SRBD1: variants seen among roughly 807,000 people sequenced by gnomAD.
SRBD1 encodes S1 RNA-binding domain-containing protein 1.
A neutral mutation model predicts 115.3 loss-of-function variants in SRBD1; 88 were observed. The ratio of observed to expected loss-of-function variants is 0.76; its 90% CI spans 0.64 to 0.91. The LOEUF is 0.91. Ranked by LOEUF, SRBD1 falls within the 40% of genes least tolerant of loss-of-function variation. The pLI, the probability that SRBD1 is intolerant of heterozygous loss-of-function variation, is 0.00. For missense variants in SRBD1, 1,385 were observed against 1,177.4 expected (o/e 1.18, Z -2.58); for synonymous variants, 509 against 407.7 (o/e 1.25, Z -2.99).
intron 16 of SRBD1, among the ~76,000 whole-genome samples, chr2:45,451,987 T>C (rs1360318546): frequency 1.3e-5 from 2 of 151,962 alleles, no homozygotes; most frequent in Non-Finnish European, 2.9e-5. Context: ...AGTTAACCAA[T>C]TTTTATTTGC....
rs1481675863 is a variant in SRBD1 at position 45,549,747 on chromosome 2, C to T, written c.1675+1378G>A. Reference sequence around the variant, plus strand: ...GCATGGTGGTGCGTGCCTATGGTCCCAGCTACTCGGGAGGCTGAGGTGGGA... The same window carrying T: ...GCATGGTGGTGCGTGCCTATGGTCCTAGCTACTCGGGAGGCTGAGGTGGGA... On this transcript the variant is annotated intron_variant, in intron 12 of 20. Coordinates refer to ENST00000263736, the MANE Select transcript of SRBD1 (RefSeq NM_018079.5). Among the ~76,000 whole-genome samples the T allele has an allele frequency of 4.7e-5, 7 of 149,088 alleles. No homozygotes were observed. In the East Asian group the frequency reaches 1.4e-3, roughly 29 times the overall value.
chr2:45,594,675 G>A (rs1477194303), intron 4 of SRBD1, among the ~76,000 whole-genome samples: 4 of 152,154 alleles, frequency 2.6e-5, no homozygotes, highest in African/African-American at 9.7e-5. Context: ...AACATTATAG[G>A]AAGCCATTGT....
chr2:45,436,538 G>C (rs989086183), intron 16 of SRBD1, among the ~76,000 whole-genome samples: 1 of 152,196 alleles, frequency 6.6e-6, no homozygotes, highest in East Asian at 1.9e-4. Context: ...GTTCCACATG[G>C]CTGGGGAGGC....
intron 14 of SRBD1, among the ~76,000 whole-genome samples, chr2:45,518,297 C>G (rs1285234737): frequency 6.6e-6 from 1 of 152,162 alleles, no homozygotes. Flanking sequence ...CTCTGCTGTG[C>G]GATACTGCCC....
At chr2:45,454,154 T>C (rs1234273801) in intron 16 of SRBD1, among the ~76,000 whole-genome samples, 1 of 151,894 alleles carries the variant, frequency 6.6e-6, no homozygotes, top group Non-Finnish European at 1.5e-5. Context: ...GATATTACAA[T>C]GTGGTATTCC....
intron 14 of SRBD1, among the ~76,000 whole-genome samples, chr2:45,528,922 T>C (rs1671531679): frequency 6.6e-6 from 1 of 151,896 alleles, no homozygotes. Flanking sequence ...AAACATAAAA[T>C]GGTCAGTGGA....
At chr2:45,492,931 A>C (rs1392203159) in intron 14 of SRBD1, among the ~76,000 whole-genome samples, 1 of 152,262 alleles carries the variant, frequency 6.6e-6, no homozygotes, top group Non-Finnish European at 1.5e-5. Context: ...TAATTTGCTT[A>C]AATAAAAATG....
intron 16 of SRBD1, among the ~76,000 whole-genome samples, chr2:45,445,180 T>C (rs1172258168): frequency 1.3e-5 from 2 of 152,182 alleles, no homozygotes; most frequent in African/African-American, 4.8e-5. Context: ...GAATGTGCCT[T>C]GGCTTCTGTG....
At chr2:45,488,079 C>T (rs1487033857) in intron 15 of SRBD1, among the ~76,000 whole-genome samples, 161 bp downstream of exon 15, 1 of 152,168 alleles carries the variant, frequency 6.6e-6, no homozygotes, top group Non-Finnish European at 1.5e-5. Flanking sequence ...TCCATAATTT[C>T]AATTATTAGT....
chr2:45,580,493 G>GCA (rs1156301702), intron 6 of SRBD1, among the ~76,000 whole-genome samples: 2 of 145,850 alleles, frequency 1.4e-5, no homozygotes, highest in Admixed American at 1.4e-4. Flanking sequence ...CTACAGGAGC[G>GCA]CACCACTACG....
intron 16 of SRBD1, among the ~76,000 whole-genome samples, chr2:45,438,784 G>A (rs13010000): frequency 6.6e-6 from 1 of 151,962 alleles, no homozygotes; most frequent in Non-Finnish European, 1.5e-5. Flanking sequence ...AGTCCTGAGA[G>A]GGAAAGAGAG....
intron 10 of SRBD1, among the ~76,000 whole-genome samples, chr2:45,556,881 G>A (rs964038594): frequency 3.9e-5 from 6 of 152,208 alleles, no homozygotes; most frequent in Non-Finnish European, 7.4e-5. Flanking sequence ...ATAAGCAAGG[G>A]ACTTATAATG....
chr2:45,536,950 T>G (rs984759171), intron 14 of SRBD1, among the ~76,000 whole-genome samples: 5 of 152,186 alleles, frequency 3.3e-5, no homozygotes, highest in Non-Finnish European at 7.4e-5. Context: ...CACAACCCAG[T>G]ACACATATAT....
chr2:45,406,646 G>C (rs1667446213), intron 19 of SRBD1, among the ~76,000 whole-genome samples: 1 of 152,030 alleles, frequency 6.6e-6, no homozygotes, highest in Non-Finnish European at 1.5e-5. Flanking sequence ...TGATGGAAGG[G>C]AATTATTTTT....
chr2:45,609,409 C>T (rs926917640), intron 1 of SRBD1, among the ~76,000 whole-genome samples: 6 of 152,184 alleles, frequency 3.9e-5, no homozygotes, highest in African/African-American at 9.7e-5. Context: ...CTACCACACT[C>T]GCCTCTTAAC....
intron 16 of SRBD1, among the ~76,000 whole-genome samples, chr2:45,437,350 A>G (rs970488527): frequency 5.8e-5 from 5 of 85,864 alleles, no homozygotes; most frequent in African/African-American, 2.1e-4. Context: ...ACACTGCAGT[A>G]TTGGTTTAAA....
intron 1 of SRBD1, among the ~76,000 whole-genome samples, chr2:45,607,606 C>G (rs1674312839): frequency 1.3e-5 from 2 of 151,868 alleles, no homozygotes; most frequent in Non-Finnish European, 2.9e-5. Flanking sequence ...AGAACCAAAC[C>G]AATTTACCCT....
At chr2:45,578,942 CTATG>C (rs1673261502) in intron 7 of SRBD1, among the ~76,000 whole-genome samples, 3 of 152,118 alleles carry the variant, frequency 2.0e-5, no homozygotes, top group Admixed American at 6.5e-5. Context: ...ACTCACTTCA[CTATG>C]TATTAATATA....
chr2:45,414,813 CAT>C (rs145214119), intron 18 of SRBD1, among the ~76,000 whole-genome samples: 3,693 of 34,126 alleles, frequency 0.11, 159 homozygotes, highest in African/African-American at 0.19. Flanking sequence ...TGTACACACA[CAT>C]ATAGTGTGTA....
Sources: gnomAD v4.1 joint callset for allele counts (sites outside exome capture counted in the v4.1 genomes callset) on GRCh38, gnomAD v4.1.1 for gene constraint, MANE v1.5 for transcripts, NCBI Gene and HGNC (gene_info 2026-07-23, HGNC 2026-07-21) for gene names.